The following TNFSF13B variants were observed in gnomAD, a reference collection of about 807,000 sequenced individuals.
The protein encoded by TNFSF13B is TNF superfamily member 13b.
A neutral mutation model predicts 29.1 loss-of-function variants in TNFSF13B; 8 were observed. The observed-to-expected ratio is 0.27, with a 90% CI of 0.16 to 0.50. The LOEUF (loss-of-function observed/expected upper bound fraction) is 0.50, where lower values mean the gene tolerates loss of function less well. Ranked by LOEUF, TNFSF13B falls within the 20% of genes least tolerant of loss-of-function variation. TNFSF13B has a pLI of 0.98. For missense variants in TNFSF13B, 248 were observed against 334.9 expected (o/e 0.74, Z 2.03); for synonymous variants, 125 against 130.8 (o/e 0.96, Z 0.30).
chr13:108,294,731 C>T (rs1881421298), intron 3 of TNFSF13B, among the ~76,000 whole-genome samples: 1 of 109,702 alleles, frequency 9.1e-6, no homozygotes, highest in African/African-American at 3.7e-5. Context: ...ACATACAGAA[C>T]AAGTTAGGAA....
intron 3 of TNFSF13B, among the ~76,000 whole-genome samples, chr13:108,301,855 G>A (rs1272864177): frequency 6.6e-6 from 1 of 152,166 alleles, no homozygotes; most frequent in Non-Finnish European, 1.5e-5. Flanking sequence ...CTCAGTCATT[G>A]CACAATGCCT....
chr13:108,293,589 A>G (rs1175030661), intron 3 of TNFSF13B, among the ~76,000 whole-genome samples: 1 of 152,106 alleles, frequency 6.6e-6, no homozygotes, highest in Non-Finnish European at 1.5e-5. Flanking sequence ...TATATGTCCT[A>G]TCATTTCTTA....
At chr13:108,280,413 T>C (rs1390937689) in intron 2 of TNFSF13B, among the ~76,000 whole-genome samples, 1 of 152,164 alleles carries the variant, frequency 6.6e-6, no homozygotes. Flanking sequence ...AAAGTGAAGA[T>C]TTAATTGCTG....
chr13:108,308,073 G>T lies in TNFSF13B; in HGVS notation c.*1135G>T, dbSNP rs1002013953. On this transcript the variant is annotated 3_prime_UTR_variant, in exon 6 of 6. Coordinates refer to ENST00000375887, the MANE Select transcript of TNFSF13B (RefSeq NM_006573.5). ...TTTTATAACATGTTTCCTTCGCTTT[G>T]CTTGTCTTTTATGTCATCAGTTTTA... is the stretch of plus-strand genomic sequence containing the variant. 65 of 151,902 alleles carry T rather than the reference G, an allele frequency of 4.3e-4. No individual in the cohort carries two copies. Among genetic ancestry groups the T allele is most frequent in the African/African-American group, 1.5e-3 (62 of 41,416 alleles). 9.4% of individuals were successfully genotyped at this position (151,902 alleles called of 1,614,324 possible).
At chr13:108,304,984 A>G (rs960188717) in intron 5 of TNFSF13B, among the ~76,000 whole-genome samples, 17 of 152,142 alleles carry the variant, frequency 1.1e-4, no homozygotes, top group Admixed American at 1.0e-3. Context: ...ATTTATTAGT[A>G]CTAAAAATTT....
rs1028863060 is a variant in TNFSF13B, at chr13:108,285,853, G to A, written c.425-950G>A. Among the ~76,000 whole-genome samples, 11 of 152,260 alleles carry A rather than the reference G, an allele frequency of 7.2e-5. No homozygotes were observed. In the East Asian group the frequency reaches 1.9e-3, roughly 27 times the overall value. Reference sequence around the variant, plus strand: ...TATTTTCTTAATCTAAAACATGCAAGCTTAGATTTCTGTTTCATATTTTTC... The same window carrying A: ...TATTTTCTTAATCTAAAACATGCAAACTTAGATTTCTGTTTCATATTTTTC... On this transcript the variant is annotated intron_variant, in intron 2 of 5. Coordinates refer to ENST00000375887, the MANE Select transcript of TNFSF13B (RefSeq NM_006573.5).
Position 108,283,999 on chromosome 13 carries a change from A to G in TNFSF13B, c.425-2804A>G, listed in dbSNP as rs1010702435. The stretch of plus-strand genomic sequence containing the variant: ...GACATTCAGACCATAGCCGTCTCCT[A>G]CTGAAGTTTTTGGGAAACAGAGAAA... On this transcript the variant is annotated intron_variant, in intron 2 of 5. Coordinates refer to ENST00000375887, the MANE Select transcript of TNFSF13B (RefSeq NM_006573.5). 5.9e-5 allele frequency among the ~76,000 whole-genome samples: 9 copies of G among 152,296 alleles called. No individual in the cohort carries two copies. The South Asian group carries it at 1.7e-3, about 28-fold the overall frequency.
intron 2 of TNFSF13B, among the ~76,000 whole-genome samples, chr13:108,276,675 G>A (rs1374000719): frequency 6.6e-6 from 1 of 152,166 alleles, no homozygotes; most frequent in Non-Finnish European, 1.5e-5. Context: ...GGAAGGGAAA[G>A]AAATGCGTTT....
intron 3 of TNFSF13B, among the ~76,000 whole-genome samples, chr13:108,288,224 C>T (rs904367841): frequency 6.6e-6 from 1 of 152,108 alleles, no homozygotes; most frequent in Non-Finnish European, 1.5e-5. Flanking sequence ...AAGAACCATT[C>T]GTTCACTCAC....
At chr13:108,300,233 A>G (rs1881578075) in intron 3 of TNFSF13B, among the ~76,000 whole-genome samples, 2 of 152,330 alleles carry the variant, frequency 1.3e-5, no homozygotes, top group African/African-American at 2.4e-5. Context: ...TTTTTACAGT[A>G]CATTGCTATT....
At chr13:108,270,492 G>A (rs1880584173) in intron 2 of TNFSF13B, 68 bp downstream of exon 2, 2 of 1,430,600 alleles carry the variant, frequency 1.4e-6, no homozygotes, top group Non-Finnish European at 2.0e-6. Flanking sequence ...TGGGGGAGCT[G>A]GAGGTGAGTA....
chr13:108,298,075 C>T (rs1416528622), intron 3 of TNFSF13B, among the ~76,000 whole-genome samples: 3 of 145,744 alleles, frequency 2.1e-5, no homozygotes, highest in African/African-American at 7.7e-5. Flanking sequence ...CAGTATGTAA[C>T]ATTTTTATTT....
intron 3 of TNFSF13B, chr13:108,302,992 G>A: frequency 2.0e-6 from 1 of 492,648 alleles, no homozygotes; most frequent in South Asian, 6.0e-5. Context: ...CCAATAAAGG[G>A]AAAACCCAGA....
chr13:108,282,655 T>C (rs1266259935), intron 2 of TNFSF13B, among the ~76,000 whole-genome samples: 1 of 152,188 alleles, frequency 6.6e-6, no homozygotes, highest in Non-Finnish European at 1.5e-5. Flanking sequence ...TATAATATTT[T>C]GTTTTTAGAA....
At chr13:108,287,181 T>A (rs1298600081) in intron 3 of TNFSF13B, among the ~76,000 whole-genome samples, 3 of 151,632 alleles carry the variant, frequency 2.0e-5, no homozygotes, top group Admixed American at 6.6e-5. Flanking sequence ...AATGACGAGT[T>A]AATGGGTGCA....
intron 3 of TNFSF13B, among the ~76,000 whole-genome samples, chr13:108,292,479 G>A (rs573845946): frequency 1.3e-5 from 2 of 152,156 alleles, no homozygotes; most frequent in East Asian, 1.9e-4. Context: ...TCGATGAATC[G>A]ATGAGTAGAA....
At chr13:108,297,900 T>G (rs958573506) in intron 3 of TNFSF13B, among the ~76,000 whole-genome samples, 1 of 146,052 alleles carries the variant, frequency 6.8e-6, no homozygotes, top group East Asian at 1.9e-4. Context: ...CATAATGGCA[T>G]GTATCCACCA....
intron 2 of TNFSF13B, among the ~76,000 whole-genome samples, chr13:108,275,723 A>C (rs1369554394): frequency 1.3e-5 from 2 of 152,102 alleles, no homozygotes; most frequent in Non-Finnish European, 2.9e-5. Context: ...ATGTACCCCT[A>C]TCCAGCTTCC....
chr13:108,273,255 A>G (rs746730438), intron 2 of TNFSF13B, among the ~76,000 whole-genome samples: 2 of 152,182 alleles, frequency 1.3e-5, no homozygotes, highest in African/African-American at 2.4e-5. Context: ...CAATAAACCT[A>G]TTGGAAAATT....
Sources: allele counts gnomAD v4.1 joint callset (sites outside exome capture counted in the v4.1 genomes callset), GRCh38; gene constraint gnomAD v4.1.1; transcripts MANE v1.5; gene names NCBI Gene and HGNC (gene_info 2026-07-23, HGNC 2026-07-21).